FGL1: variants seen among roughly 807,000 people sequenced by gnomAD.
FGL1 encodes the protein fibrinogen-like protein 1.
A neutral mutation model predicts 43.7 loss-of-function variants in FGL1; 59 were observed. That is an observed-to-expected ratio of 1.35 (90% confidence interval 1.10 to 1.68). The LOEUF (loss-of-function observed/expected upper bound fraction) is 1.68. Among genes scored for constraint, FGL1 ranks in the 40% most tolerant of loss-of-function variants. The pLI is 0.00. For synonymous variants in FGL1, 192 were observed against 126.5 expected (o/e 1.52, Z -3.48); for missense variants, 596 against 373.0 (o/e 1.60, Z -4.92).
Position 17,868,982 on chromosome 8 carries a change from G to A in FGL1, c.525C>T (p.Asp175=). 6.2e-7 allele frequency: 1 copy of A among 1,602,054 alleles called. No individual in the cohort carries two copies. Among genetic ancestry groups the A allele is most frequent in the African/African-American group, 1.3e-5 (1 of 74,382 alleles). ...TTQEDYTLKI[D]LADFEKNSRY... is the part of the protein sequence containing the mutation. ...GGCTATTTTTTTCAAAATCTGCAAGGTCGATTTTTAAAGTGTAGTCTTCTA... is the reference window on the plus strand; with the variant it reads ...GGCTATTTTTTTCAAAATCTGCAAGATCGATTTTTAAAGTGTAGTCTTCTA... Residue 175 remains aspartate, a synonymous_variant, in exon 6 of 8, where the codon GAC becomes GAT. Coordinates refer to ENST00000427924, the MANE Select transcript of FGL1 (RefSeq NM_004467.4).
chr8:17,885,400 G>T, intron 2 of FGL1, 92 bp downstream of exon 2: 2 of 1,077,714 alleles, frequency 1.9e-6, no homozygotes, highest in South Asian at 1.4e-5. Flanking sequence ...TTTTTTCAAT[G>T]ACAAGTCACT....
intron 3 of FGL1, among the ~76,000 whole-genome samples, chr8:17,877,423 A>T (rs934851188): frequency 5.3e-5 from 8 of 152,216 alleles, no homozygotes; most frequent in African/African-American, 1.7e-4. Flanking sequence ...ACAGCCTGCC[A>T]AATGGGCTTT....
chr8:17,885,689 G>C, intron 1 of FGL1, 118 bp from the exon 2 acceptor site: 2 of 723,550 alleles, frequency 2.8e-6, no homozygotes, highest in East Asian at 2.7e-5. Context: ...CCTAATCTTA[G>C]AGTCGCCGAG....
At chr8:17,883,027 T>C (rs2053566182) in intron 2 of FGL1, among the ~76,000 whole-genome samples, 1 of 94,710 alleles carries the variant, frequency 1.1e-5, no homozygotes, top group South Asian at 3.4e-4. Context: ...ATATATATCA[T>C]ATGTAATATA....
chr8:17,889,739 G>C (rs1416011391), intron 1 of FGL1, among the ~76,000 whole-genome samples: 1 of 152,150 alleles, frequency 6.6e-6, no homozygotes, highest in Admixed American at 6.6e-5. Flanking sequence ...TTATTGCCTG[G>C]TTAATCCTTT....
chr8:17,878,408 A>T (rs2053488461), intron 3 of FGL1, among the ~76,000 whole-genome samples: 1 of 152,186 alleles, frequency 6.6e-6, no homozygotes, highest in Non-Finnish European at 1.5e-5. Flanking sequence ...CTTTGAAATC[A>T]AACTCCAGAG....
At chr8:17,866,226 G>A (rs2053267660) in intron 7 of FGL1, among the ~76,000 whole-genome samples, 2 of 152,160 alleles carry the variant, frequency 1.3e-5, no homozygotes, top group Non-Finnish European at 2.9e-5. Context: ...GAACAGCCTG[G>A]ATTTGAAACT....
chr8:17,879,599 T>C (rs1191031832), intron 3 of FGL1, among the ~76,000 whole-genome samples: 1 of 152,132 alleles, frequency 6.6e-6, no homozygotes, highest in Non-Finnish European at 1.5e-5. Context: ...CTTTCTCCTG[T>C]TCCCACCATG....
At position 17,885,570 on chromosome 8, in the gene FGL1, A is replaced by C; in HGVS notation, c.-16T>G. ...CCTTTGCCATGTTCCCCCTTGAAAA[A>C]ACTGCAAGAACAAAAAGAATTTTAT... On this transcript the variant is annotated splice_region_variant and 5_prime_UTR_variant, in exon 2 of 8. Coordinates refer to ENST00000427924, the MANE Select transcript of FGL1 (RefSeq NM_004467.4). 6.2e-7 allele frequency: 1 copy of C among 1,612,496 alleles called. No homozygotes were observed. Among genetic ancestry groups the C allele is most frequent in the Non-Finnish European group, 8.5e-7 (1 of 1,179,270 alleles).
At chr8:17,884,822 G>A (rs888355952) in intron 2 of FGL1, among the ~76,000 whole-genome samples, 1 of 151,936 alleles carries the variant, frequency 6.6e-6, no homozygotes, top group Admixed American at 6.6e-5. Flanking sequence ...TTGAATGAAT[G>A]TTTTGTCTTT....
chr8:17,889,401 T>G (rs2053675091), intron 1 of FGL1, among the ~76,000 whole-genome samples: 1 of 151,944 alleles, frequency 6.6e-6, no homozygotes, highest in African/African-American at 2.4e-5. Flanking sequence ...AATACAAAAA[T>G]TAGCCAGGTG....
At chr8:17,888,733 T>C (rs894255642) in intron 1 of FGL1, among the ~76,000 whole-genome samples, 1 of 152,216 alleles carries the variant, frequency 6.6e-6, no homozygotes, top group African/African-American at 2.4e-5. Flanking sequence ...TCAATAATTT[T>C]ATTAAGAAGT....
In FGL1 at chr8:17,875,543, T is replaced by TCTCTC. The variant is rs1563452419; in HGVS notation, c.245-1023_245-1022insGAGAG. Among the ~76,000 whole-genome samples, 14 of 16,856 alleles carry TCTCTC rather than the reference T, an allele frequency of 8.3e-4. 1 individual carries two copies. Among genetic ancestry groups the TCTCTC allele is most frequent in the African/African-American group, 2.2e-3 (13 of 6,002 alleles). The allele number at this position is 16,856 out of a possible 152,430, so 11.1% of individuals were successfully genotyped here. ...TCTTTCTTTCTTTCTTTCTCTTTCT[T>TCTCTC]TCTTTCTTTCTTTCTTTCTTTCTTT... is the stretch of plus-strand genomic sequence containing the variant. On this transcript the variant is annotated intron_variant, in intron 3 of 7. Coordinates refer to ENST00000427924, the MANE Select transcript of FGL1 (RefSeq NM_004467.4).
chr8:17,883,693 T>TTATA (rs888038458), intron 2 of FGL1, among the ~76,000 whole-genome samples: 1 of 144,046 alleles, frequency 6.9e-6, no homozygotes, highest in Non-Finnish European at 1.5e-5. Flanking sequence ...TATATATTTT[T>TTATA]TATATATATA....
At chr8:17,875,128 A>G (rs1305217128) in intron 3 of FGL1, among the ~76,000 whole-genome samples, 5 of 152,200 alleles carry the variant, frequency 3.3e-5, no homozygotes, top group Admixed American at 6.5e-5. Flanking sequence ...GAGCATGATA[A>G]ATCATTCTGG....
intron 1 of FGL1, among the ~76,000 whole-genome samples, chr8:17,886,230 A>G (rs2053626383): frequency 6.6e-6 from 1 of 152,220 alleles, no homozygotes; most frequent in Non-Finnish European, 1.5e-5. Context: ...TTATACTGAC[A>G]TACTTTCCTC....
In FGL1 at chr8:17,869,529, C is replaced by T. The variant is rs572633859; in HGVS notation, c.503-525G>A. On this transcript the variant is annotated intron_variant, in intron 5 of 7. Coordinates refer to ENST00000427924, the MANE Select transcript of FGL1 (RefSeq NM_004467.4). ...ATAGCATAAAAGATCAGCCAGGAAA[C>T]CCTTTAAGAATAATTTGAGGAAGAA... Among the ~76,000 whole-genome samples the T allele has an allele frequency of 3.9e-5, 6 of 152,216 alleles. No homozygotes were observed. In the South Asian group the frequency reaches 1.2e-3, roughly 32 times the overall value.
At chr8:17,886,648 C>T (rs569700375) in intron 1 of FGL1, among the ~76,000 whole-genome samples, 1 of 152,084 alleles carries the variant, frequency 6.6e-6, no homozygotes, top group African/African-American at 2.4e-5. Context: ...CTCCCAGCCA[C>T]TCGGGAGGCT....
At chr8:17,894,457 A>C (rs1227986114) in intron 1 of FGL1, among the ~76,000 whole-genome samples, 4 of 147,278 alleles carry the variant, frequency 2.7e-5, no homozygotes, top group Non-Finnish European at 4.4e-5. Flanking sequence ...TTTTCTTAAG[A>C]ATCCATACTC....
Sources: allele counts gnomAD v4.1 joint callset (sites outside exome capture counted in the v4.1 genomes callset), GRCh38; gene constraint gnomAD v4.1.1; transcripts MANE v1.5; gene names NCBI Gene and HGNC (gene_info 2026-07-23, HGNC 2026-07-21).